The following OGFOD3 variants were observed in gnomAD, a reference collection of about 807,000 sequenced individuals.
The protein encoded by OGFOD3 is 2-oxoglutarate and iron dependent oxygenase domain containing 3, also known as 2-oxoglutarate and iron-dependent oxygenase domain-containing protein 3.
Under a neutral mutation model 39.8 loss-of-function variants are expected in OGFOD3, and 35 were observed. That is an observed-to-expected ratio of 0.88 (90% CI 0.67 to 1.17). The LOEUF is 1.17. Among genes scored for constraint, OGFOD3 ranks in the 50% most tolerant of loss-of-function variants. OGFOD3 has a pLI of 0.00. For missense variants in OGFOD3, 438 were observed against 454.5 expected (o/e 0.96, Z 0.33); for synonymous variants, 200 against 192.0 (o/e 1.04, Z -0.34).
At chr17:82,394,651 A>G in intron 8 of OGFOD3, 1 of 798,056 alleles carries the variant, frequency 1.3e-6, no homozygotes, top group Non-Finnish European at 1.9e-6. Flanking sequence ...CCCGGCTCCC[A>G]GGGGGGACCT....
chr17:82,402,316 T>C (rs2052779708), intron 7 of OGFOD3, among the ~76,000 whole-genome samples: 1 of 151,802 alleles, frequency 6.6e-6, no homozygotes, highest in African/African-American at 2.4e-5. Flanking sequence ...ATGCCTGTAG[T>C]CCCAGCTACT....
At chr17:82,405,415 A>C in intron 5 of OGFOD3, 35 bp from the exon 6 acceptor site, 2 of 1,546,376 alleles carry the variant, frequency 1.3e-6, no homozygotes, top group Non-Finnish European at 1.8e-6. Flanking sequence ...AGGTCACAAC[A>C]CTTCATTAAT....
In OGFOD3 at chr17:82,405,389, A is replaced by T. The variant is rs2052839915; in HGVS notation, c.489-9T>A. 1.9e-6 allele frequency: 3 copies of T among 1,612,380 alleles called. No homozygotes were observed. Among genetic ancestry groups the T allele is most frequent in the Non-Finnish European group, 2.5e-6 (3 of 1,178,320 alleles). On this transcript the variant is annotated splice_polypyrimidine_tract_variant and intron_variant, in intron 5 of 8. Transcript: ENST00000313056. Reference sequence around the variant, plus strand: ...TTTTATCCCCGAAGTATCTGTGAAAAAAGGAGTATTCACAAAGGTCACAAC... The same window carrying T: ...TTTTATCCCCGAAGTATCTGTGAAATAAGGAGTATTCACAAAGGTCACAAC...
chr17:82,414,815 G>A (rs1003900656), intron 2 of OGFOD3, among the ~76,000 whole-genome samples: 1 of 152,254 alleles, frequency 6.6e-6, no homozygotes, highest in Admixed American at 6.5e-5. Context: ...CAGGTGGCAT[G>A]GAATGTTCAA....
At chr17:82,408,161 G>T (rs906246478) in intron 4 of OGFOD3, among the ~76,000 whole-genome samples, 1 of 152,038 alleles carries the variant, frequency 6.6e-6, no homozygotes, top group African/African-American at 2.4e-5. Flanking sequence ...AAGAAAAAAA[G>T]GAACTTAATT....
At chr17:82,409,997 TG>T (rs2052918911) in intron 3 of OGFOD3, among the ~76,000 whole-genome samples, 2 of 152,222 alleles carry the variant, frequency 1.3e-5, no homozygotes, top group Non-Finnish European at 2.9e-5. Context: ...CTCAGGAGCC[TG>T]GGGAGCATCT....
chr17:82,392,663 T>C lies in OGFOD3; in HGVS notation c.824-129A>G. 8.8e-7 allele frequency: 1 copy of C among 1,130,102 alleles called. No homozygotes were observed. The highest frequency in any genetic ancestry group is 1.6e-5 in the South Asian group (1 of 60,966). The allele number at this position is 1,130,102 out of a possible 1,614,324, so 70.0% of individuals were successfully genotyped here. A position where few individuals can be genotyped will look rare whatever the true frequency, so the allele number is the denominator to read the frequency against. On this transcript the variant is annotated intron_variant, in intron 8 of 8. Transcript: ENST00000313056. The surrounding 1 kb of genome is among the most constrained non-coding windows in gnomAD (Gnocchi z 4.2). ...CAACCAACCAGGCAGGCTGGAGAAA[T>C]TGCCCCTCTGGGAACTGCTTCTGCA...
chr17:82,389,394 CA>C lies in OGFOD3; in HGVS notation c.*3003del, dbSNP rs1332934065. On this transcript the variant is annotated 3_prime_UTR_variant, in exon 9 of 9. Coordinates refer to ENST00000313056, the MANE Select transcript of OGFOD3 (RefSeq NM_024648.3). This position sits in a 1 kb window ranked among gnomAD's most constrained non-coding sequence, Gnocchi z 4.6. ...ACAGCCTCACGTCGGCCACACCCGACACTTTCATCAGGTTCACGAGCACTTC... is the reference window on the plus strand; with the variant it reads ...ACAGCCTCACGTCGGCCACACCCGACCTTTCATCAGGTTCACGAGCACTTC... 6.6e-6 allele frequency: 1 copy of C among 152,262 alleles called. No individual in the cohort carries two copies. The highest frequency in any genetic ancestry group is 1.5e-5 in the Non-Finnish European group (1 of 68,042). 9.4% of individuals were successfully genotyped at this position (152,262 alleles called of 1,614,324 possible).
chr17:82,405,821 G>A (rs994718192), intron 5 of OGFOD3, among the ~76,000 whole-genome samples: 3 of 152,132 alleles, frequency 2.0e-5, no homozygotes, highest in Non-Finnish European at 4.4e-5. Flanking sequence ...GTGGTGGTGC[G>A]TGCCTGTAAT....
At chr17:82,400,681 G>A (rs986055823) in intron 7 of OGFOD3, 1 of 151,884 alleles carries the variant, frequency 6.6e-6, no homozygotes, top group Non-Finnish European at 1.5e-5. Flanking sequence ...AAATCTTGTA[G>A]GATGCATTAC....
chr17:82,403,802 C>T (rs1323485723), intron 7 of OGFOD3, 135 bp downstream of exon 7: 30 of 1,216,764 alleles, frequency 2.5e-5, no homozygotes, highest in East Asian at 1.3e-4. Flanking sequence ...TGCCCACGTA[C>T]GCACTCACCC....
intron 4 of OGFOD3, among the ~76,000 whole-genome samples, chr17:82,408,313 T>C (rs900102068): frequency 2.6e-5 from 4 of 152,238 alleles, no homozygotes; most frequent in African/African-American, 9.6e-5. Context: ...TCAGTGATTA[T>C]AATTCAAAGC....
chr17:82,399,610 G>A (rs989585420), intron 7 of OGFOD3, among the ~76,000 whole-genome samples: 4 of 152,132 alleles, frequency 2.6e-5, no homozygotes, highest in Non-Finnish European at 5.9e-5. Context: ...CCGTCCCCAG[G>A]AAGCACTGAC....
chr17:82,405,169 G>C (rs1047946191), intron 6 of OGFOD3, among the ~76,000 whole-genome samples, 155 bp downstream of exon 6: 12 of 152,156 alleles, frequency 7.9e-5, no homozygotes, highest in Non-Finnish European at 1.3e-4. Context: ...CGCTGGGCCT[G>C]CCCCGGCCTT....
At chr17:82,411,728 GT>G (rs757290166) in intron 2 of OGFOD3, 198 bp from the exon 3 acceptor site, 87 of 551,270 alleles carry the variant, frequency 1.6e-4, no homozygotes, top group Admixed American at 5.6e-4. Context: ...TTGGCTTCCA[GT>G]GGCTCCAACT....
At chr17:82,414,142 C>T (rs1179443755) in intron 2 of OGFOD3, among the ~76,000 whole-genome samples, 1 of 151,858 alleles carries the variant, frequency 6.6e-6, no homozygotes, top group African/African-American at 2.4e-5. Flanking sequence ...TCTTTTTTGG[C>T]GGGGGGTCAG....
rs1469956518 is a variant in OGFOD3, at chr17:82,392,851, G to A, written c.824-317C>T. 5.9e-6 allele frequency: 2 copies of A among 341,590 alleles called. No individual in the cohort carries two copies. The highest frequency in any genetic ancestry group is 2.1e-5 in the African/African-American group (1 of 47,488). 21.2% of individuals were successfully genotyped at this position (341,590 alleles called of 1,614,324 possible). On this transcript the variant is annotated intron_variant, in intron 8 of 8. Transcript: ENST00000313056. This position sits in a 1 kb window ranked among gnomAD's most constrained non-coding sequence, Gnocchi z 4.2. ...GACACCCCAGGTCATCTGATCTCCCGAGCTCCGGGCATTTGATCTCCTCAG... is the reference window on the plus strand; with the variant it reads ...GACACCCCAGGTCATCTGATCTCCCAAGCTCCGGGCATTTGATCTCCTCAG...
intron 8 of OGFOD3, among the ~76,000 whole-genome samples, chr17:82,395,133 G>T (rs916625533): frequency 1.2e-4 from 19 of 152,218 alleles, no homozygotes; most frequent in African/African-American, 4.3e-4. Context: ...CCAGGCTCAA[G>T]CAATCCTCCC....
chr17:82,398,353 G>T, intron 7 of OGFOD3, 34 bp from the exon 8 acceptor site: 1 of 1,613,096 alleles, frequency 6.2e-7, no homozygotes, highest in South Asian at 1.1e-5. Context: ...GGGCAGAATG[G>T]GCTCTCAGCA....
Sources: gnomAD v4.1 joint callset for allele counts (sites outside exome capture counted in the v4.1 genomes callset) on GRCh38, gnomAD v4.1.1 for gene constraint, Gnocchi (gnomAD v3.1) non-coding constraint, MANE v1.5 for transcripts, NCBI Gene and HGNC (gene_info 2026-07-23, HGNC 2026-07-21) for gene names.